ZNF347: variants seen among roughly 807,000 people sequenced by gnomAD.
The protein encoded by ZNF347 is CTD-2620I22.7.
A neutral mutation model predicts 12.9 loss-of-function variants in ZNF347; 19 were observed. The ratio of observed to expected loss-of-function variants is 1.47; its 90% CI spans 1.03 to 2.16. ZNF347 has a LOEUF of 2.16. ZNF347 is among the 30% of genes most tolerant of loss of function. The pLI is 0.00. For missense variants in ZNF347, 1,005 were observed against 990.6 expected (o/e 1.01, Z -0.19); for synonymous variants, 328 against 340.6 (o/e 0.96, Z 0.41).
In ZNF347 at chr19:53,141,692, C is replaced by A; in HGVS notation, c.1136G>T (p.Gly379Val). The change falls in exon 5 of 5, where the codon GGG (glycine) becomes GTG (valine). Residue 379 changes from glycine (G) to valine (V), a missense_variant. Coordinates refer to ENST00000334197, the MANE Select transcript of ZNF347 (RefSeq NM_032584.3). The stretch of plus-strand genomic sequence containing the variant: ...GCTTGAACGAGCTCTAAAGGCTTTC[C>A]CACACTCATTACACTTGTAAGGTTT... ...GEKPYKCNEC[G>V]KAFRARSSLA... The A allele has an allele frequency of 6.2e-7, 1 of 1,614,002 alleles. No individual in the cohort carries two copies. Among genetic ancestry groups the A allele is most frequent in the Non-Finnish European group, 8.5e-7 (1 of 1,179,974 alleles).
rs2090398085 is a variant in ZNF347, at chr19:53,138,310, G to T, written c.*1998C>A. 1 of 151,820 alleles carries T rather than the reference G, an allele frequency of 6.6e-6. No homozygotes were observed. The highest frequency in any genetic ancestry group is 3.2e-3 in the Middle Eastern group (1 of 316). The allele number at this position is 151,820 out of a possible 1,614,324, so 9.4% of individuals were successfully genotyped here. A position where few individuals can be genotyped will look rare whatever the true frequency, so the allele number is the denominator to read the frequency against. The stretch of plus-strand genomic sequence containing the variant: ...TTTCTATTTTTTTTGTAGAGACAGG[G>T]TTTTGCCATGTTGTCCTGGCTGGTT... On this transcript the variant is annotated 3_prime_UTR_variant, in exon 5 of 5. Coordinates refer to ENST00000334197, the MANE Select transcript of ZNF347 (RefSeq NM_032584.3).
chr19:53,148,624 G>A, intron 4 of ZNF347, 57 bp downstream of exon 4: 1 of 1,546,892 alleles, frequency 6.5e-7, no homozygotes, highest in Non-Finnish European at 8.8e-7. Flanking sequence ...GATTTGCATA[G>A]AGTTTCCCAA....
At chr19:53,147,456 G>A (rs1329368920) in intron 4 of ZNF347, among the ~76,000 whole-genome samples, 1 of 152,038 alleles carries the variant, frequency 6.6e-6, no homozygotes, top group African/African-American at 2.4e-5. Context: ...TACTGGGGAG[G>A]ATGTGGAGGG....
intron 4 of ZNF347, among the ~76,000 whole-genome samples, chr19:53,143,363 G>A (rs1599853789): frequency 6.9e-6 from 1 of 144,466 alleles, no homozygotes; most frequent in Admixed American, 6.9e-5. Flanking sequence ...ATCTCCTAAT[G>A]CTATCCCTCC....
chr19:53,145,310 G>C (rs1362063018), intron 4 of ZNF347, among the ~76,000 whole-genome samples: 1 of 137,492 alleles, frequency 7.3e-6, no homozygotes, highest in Non-Finnish European at 1.6e-5. Flanking sequence ...AAAAAAAGAA[G>C]ATACAAAAAC....
In ZNF347 at chr19:53,139,492, GAGAAACCT is replaced by G. The variant is rs1359644258; in HGVS notation, c.*808_*815del. On this transcript the variant is annotated 3_prime_UTR_variant, in exon 5 of 5. Coordinates refer to ENST00000334197, the MANE Select transcript of ZNF347 (RefSeq NM_032584.3). ...GAAAGTCACAAACAGTAGCCTTTTT[GAGAAACCT>G]CAAACAATGGAATAAAAGATTTTAT... is the stretch of plus-strand genomic sequence containing the variant. 2.0e-5 allele frequency: 3 copies of G among 152,166 alleles called. No individual in the cohort carries two copies. In the East Asian group the frequency reaches 5.8e-4, roughly 29 times the overall value. 9.4% of individuals were successfully genotyped at this position (152,166 alleles called of 1,614,324 possible).
Position 53,136,429 on chromosome 19 carries a change from CAT to C in ZNF347, c.*3877_*3878del, listed in dbSNP as rs1335626906. On this transcript the variant is annotated 3_prime_UTR_variant, in exon 5 of 5. Coordinates refer to ENST00000334197, the MANE Select transcript of ZNF347 (RefSeq NM_032584.3). ...AGGAAAAAATCCTTAAAGTAAAAAT[CAT>C]ATACAAAAACAAAAAGTCATTTTAC... The C allele has an allele frequency of 2.6e-5, 4 of 151,756 alleles. No homozygotes were observed. Among genetic ancestry groups the C allele is most frequent in the Middle Eastern group, 3.2e-3 (1 of 316 alleles). The allele number at this position is 151,756 out of a possible 1,614,324, so 9.4% of individuals were successfully genotyped here.
At chr19:53,158,368 C>CT (rs1466959378) in intron 1 of ZNF347, among the ~76,000 whole-genome samples, 1 of 152,212 alleles carries the variant, frequency 6.6e-6, no homozygotes, top group Non-Finnish European at 1.5e-5. Context: ...AGGAGCTGCG[C>CT]TCCAGGGGCC....
rs1038409889 is a variant in ZNF347, at chr19:53,147,983, C to T, written c.271+698G>A. 2.0e-5 allele frequency among the ~76,000 whole-genome samples: 3 copies of T among 152,198 alleles called. No homozygotes were observed. In the East Asian group the frequency reaches 5.8e-4, roughly 29 times the overall value. ...ATTATCTCTTCCTAATAAAAAGTCTCAACAACTTGGGTACAGAAAAAACAT... is the reference window on the plus strand; with the variant it reads ...ATTATCTCTTCCTAATAAAAAGTCTTAACAACTTGGGTACAGAAAAAACAT... On this transcript the variant is annotated intron_variant, in intron 4 of 4. Transcript: ENST00000334197.
intron 2 of ZNF347, among the ~76,000 whole-genome samples, chr19:53,150,928 T>C (rs1450868469): frequency 6.6e-6 from 1 of 152,068 alleles, no homozygotes; most frequent in African/African-American, 2.4e-5. Flanking sequence ...TTAGTAGAGA[T>C]GGGGTTTCAC....
chr19:53,146,763 A>C (rs2090465945), intron 4 of ZNF347, among the ~76,000 whole-genome samples: 2 of 152,116 alleles, frequency 1.3e-5, no homozygotes, highest in Admixed American at 1.3e-4. Context: ...AAATTTAAAA[A>C]CCTAGAAGAA....
chr19:53,154,350 A>G (rs2090518314), intron 1 of ZNF347, among the ~76,000 whole-genome samples: 1 of 152,018 alleles, frequency 6.6e-6, no homozygotes, highest in African/African-American at 2.4e-5. Flanking sequence ...TTAGCCAGGC[A>G]CGGTCACTCA....
chr19:53,142,262 T>C lies in ZNF347; in HGVS notation c.566A>G (p.Gln189Arg). The change falls in exon 5 of 5, where the codon CAG becomes CGG. Residue 189 changes from glutamine (Q) to arginine (R), a missense_variant. Transcript: ENST00000334197. ...LIKNQLGLSL[Q>R]SHLPELQLFQ... is the part of the protein sequence containing the mutation. Reference sequence around the variant, plus strand: ...AAGCTGCAGTTCAGGCAGATGTGACTGAAGGCTTAATCCAAGCTGATTTTT... The same window carrying C: ...AAGCTGCAGTTCAGGCAGATGTGACCGAAGGCTTAATCCAAGCTGATTTTT... 1 of 1,613,736 alleles carries C rather than the reference T, an allele frequency of 6.2e-7. No homozygotes were observed. The highest frequency in any genetic ancestry group is 1.1e-5 in the South Asian group (1 of 90,968).
At chr19:53,148,968 A>T (rs1457507449) in intron 3 of ZNF347, 159 bp from the exon 4 acceptor site, 1 of 1,083,974 alleles carries the variant, frequency 9.2e-7, no homozygotes, top group East Asian at 2.6e-5. Context: ...AAACACTATA[A>T]TATGCAAATA....
intron 4 of ZNF347, among the ~76,000 whole-genome samples, chr19:53,142,851 C>A (rs1425228620): frequency 6.6e-6 from 1 of 152,116 alleles, no homozygotes; most frequent in African/African-American, 2.4e-5. Flanking sequence ...GAGAGAAAGT[C>A]TTCCCCAGAC....
Position 53,141,129 on chromosome 19 carries a change from T to C in ZNF347, c.1699A>G (p.Lys567Glu), listed in dbSNP as rs762079938. The change falls in exon 5 of 5, where the codon AAA (lysine) becomes GAA (glutamate). Residue 567 changes from lysine to glutamate, a missense_variant. Physicochemically the swap from Lys to Glu is moderately conservative, Grantham distance 56. Transcript: ENST00000334197. The part of the protein sequence containing the change: ...TTHQVIHTGE[K>E]PYKCNECGKV... Reference sequence around the variant, plus strand: ...CCACACTCATTACATTTGTAAGGTTTTTCTCCAGTATGGATGACCTGATGG... The same window carrying C: ...CCACACTCATTACATTTGTAAGGTTCTTCTCCAGTATGGATGACCTGATGG... 8.1e-6 allele frequency: 13 copies of C among 1,614,060 alleles called. No homozygotes were observed. Among genetic ancestry groups the C allele is most frequent in the South Asian group, 2.2e-5 (2 of 91,090 alleles).
chr19:53,142,017 G>T lies in ZNF347; in HGVS notation c.811C>A (p.Pro271Thr), dbSNP rs764311669. Residue 271 changes from proline (P) to threonine (T), a missense_variant, in exon 5 of 5, where the codon CCT becomes ACT. By Grantham distance (38) the Pro-to-Thr change is conservative (BLOSUM62 -1). Transcript: ENST00000334197. ...YKSNGCGMVFPQNSHLASHQR... is the reference protein window; with the variant it reads ...YKSNGCGMVFTQNSHLASHQR... ...TGACTTGCAAGGTGTGAATTTTGAG[G>T]AAAGACCATGCCACATCCATTAGAT... is the stretch of plus-strand genomic sequence containing the variant. 6.2e-7 allele frequency: 1 copy of T among 1,614,022 alleles called. No individual in the cohort carries two copies. The highest frequency in any genetic ancestry group is 1.1e-5 in the South Asian group (1 of 91,062).
rs1211350283 is a variant in ZNF347, at chr19:53,158,186, T to G, written c.-47+823A>C. On this transcript the variant is annotated intron_variant, in intron 1 of 4. Coordinates refer to ENST00000334197, the MANE Select transcript of ZNF347 (RefSeq NM_032584.3). ...TGTCACAGGACAGGCCCCGGGCACC[T>G]CCCCAGCGCGGGCTCAGGAGAAGCG... 2.6e-5 allele frequency among the ~76,000 whole-genome samples: 4 copies of G among 152,102 alleles called. No individual in the cohort carries two copies. The East Asian group carries it at 7.8e-4, about 30-fold the overall frequency.
intron 1 of ZNF347, among the ~76,000 whole-genome samples, chr19:53,156,135 A>G (rs1025663828): frequency 2.0e-5 from 3 of 149,938 alleles, no homozygotes; most frequent in African/African-American, 7.4e-5. Context: ...ACAGTGGCTC[A>G]TGCCTGTAGT....
Sources: gnomAD v4.1 joint callset for allele counts (sites outside exome capture counted in the v4.1 genomes callset) on GRCh38, gnomAD v4.1.1 for gene constraint, MANE v1.5 for transcripts, NCBI Gene and HGNC (gene_info 2026-07-23, HGNC 2026-07-21) for gene names.